The following THEM4 variants were observed in gnomAD, a reference collection of about 807,000 sequenced individuals.
THEM4 encodes the protein acyl-coenzyme A thioesterase THEM4.
In THEM4, 22 loss-of-function variants were observed where a neutral mutation model predicts 25.0. The ratio of observed to expected loss-of-function variants is 0.88; its 90% confidence interval spans 0.63 to 1.26. The LOEUF (loss-of-function observed/expected upper bound fraction) is 1.26, where lower values mean the gene tolerates loss of function less well. Among genes scored for constraint, THEM4 ranks in the 50% most tolerant of loss-of-function variants. THEM4 has a pLI of 0.00. For missense variants in THEM4, 286 were observed against 300.3 expected, an observed-to-expected ratio of 0.95 and a Z score of 0.35; for synonymous variants, 113 against 105.6, an observed-to-expected ratio of 1.07 and a Z score of -0.43.
chr1:151,876,934 C>T, intron 5 of THEM4, 67 bp downstream of exon 5: 1 of 1,527,506 alleles, frequency 6.5e-7, no homozygotes, highest in Non-Finnish European at 8.8e-7. Context: ...AACCAACCAA[C>T]CAACCAACCA....
At position 151,902,532 on chromosome 1, in the gene THEM4, T is replaced by C. The variant is rs1254304516; in HGVS notation, c.99+6828A>G. ...GAGGGGGATAAGGGATAAAAGACTA[T>C]AAATATGGTGCAGTGTATAATGCTC... On this transcript the variant is annotated intron_variant, in intron 1 of 5. Coordinates refer to ENST00000368814, the MANE Select transcript of THEM4 (RefSeq NM_053055.5). Among the ~76,000 whole-genome samples the C allele has an allele frequency of 3.9e-5, 6 of 152,138 alleles. 1 individual carries two copies. Among genetic ancestry groups the C allele is most frequent in the Middle Eastern group, 6.3e-3 (2 of 316 alleles).
At chr1:151,883,371 T>C (rs1653888621) in intron 4 of THEM4, among the ~76,000 whole-genome samples, 1 of 152,032 alleles carries the variant, frequency 6.6e-6, no homozygotes, top group Non-Finnish European at 1.5e-5. Flanking sequence ...CACCTTGGCC[T>C]CCCAAAATGC....
intron 1 of THEM4, among the ~76,000 whole-genome samples, chr1:151,902,284 T>C (rs144163352): frequency 3.3e-4 from 51 of 152,264 alleles, no homozygotes; most frequent in African/African-American, 1.2e-3. Flanking sequence ...TCATCCCCAA[T>C]TGCAAATCAT....
At chr1:151,897,061 C>T (rs1654240622) in intron 1 of THEM4, among the ~76,000 whole-genome samples, 1 of 152,120 alleles carries the variant, frequency 6.6e-6, no homozygotes, top group African/African-American at 2.4e-5. Flanking sequence ...TTGCAGGGAT[C>T]CTAGAGGACC....
Position 151,905,793 on chromosome 1 carries a change from T to C in THEM4, c.99+3567A>G, listed in dbSNP as rs528657486. ...GTAACTAGTAACTTCAAGTATTCTG[T>C]TTTATCTAAACAGCACAGTGAAGGT... On this transcript the variant is annotated intron_variant, in intron 1 of 5. Transcript: ENST00000368814. 2.2e-3 allele frequency among the ~76,000 whole-genome samples: 329 copies of C among 152,364 alleles called. 1 individual carries two copies. The highest frequency in any genetic ancestry group is 6.1e-3 in the Admixed American group (94 of 15,312).
At chr1:151,906,656 C>G (rs1409655510) in intron 1 of THEM4, among the ~76,000 whole-genome samples, 1 of 152,208 alleles carries the variant, frequency 6.6e-6, no homozygotes, top group Non-Finnish European at 1.5e-5. Context: ...TGTAAATACA[C>G]CAATCGGCAC....
intron 1 of THEM4, among the ~76,000 whole-genome samples, chr1:151,908,078 T>C (rs1054721406): frequency 5.9e-5 from 9 of 152,212 alleles, no homozygotes; most frequent in South Asian, 2.1e-4. Context: ...GAGGAACCAT[T>C]TGCATAGGAA....
intron 1 of THEM4, among the ~76,000 whole-genome samples, chr1:151,899,616 A>G (rs900746345): frequency 2.0e-5 from 3 of 152,212 alleles, no homozygotes; most frequent in South Asian, 4.1e-4. Context: ...AAGAAAAAGA[A>G]CAAGAAAATA....
At chr1:151,882,982 GACTT>G (rs1187690293) in intron 4 of THEM4, among the ~76,000 whole-genome samples, 2 of 151,936 alleles carry the variant, frequency 1.3e-5, no homozygotes, top group East Asian at 3.9e-4. Context: ...GGCTTCAAGA[GACTT>G]ACAATCACGG....
At position 151,889,375 on chromosome 1, in the gene THEM4, T is replaced by C. The variant is rs770029672; in HGVS notation, c.287-2A>G. On this transcript the variant is annotated splice_acceptor_variant, in intron 2 of 5. Coordinates refer to ENST00000368814, the MANE Select transcript of THEM4 (RefSeq NM_053055.5). LOFTEE classifies it high-confidence loss of function. ...GTTCTTCTTTCATAAGCTTTGGGTC[T>C]ATAGAAAATGAGGTGGATGGCAAAT... 1.1e-5 allele frequency: 17 copies of C among 1,612,012 alleles called. No homozygotes were observed. Among genetic ancestry groups the C allele is most frequent in the Middle Eastern group, 3.3e-4 (2 of 6,072 alleles).
At chr1:151,897,087 G>A (rs1384372149) in intron 1 of THEM4, among the ~76,000 whole-genome samples, 1 of 152,200 alleles carries the variant, frequency 6.6e-6, no homozygotes, top group Non-Finnish European at 1.5e-5. Context: ...GACAAAGTGT[G>A]ACTTACTCAG....
chr1:151,908,108 G>A (rs1442756251), intron 1 of THEM4, among the ~76,000 whole-genome samples: 1 of 152,168 alleles, frequency 6.6e-6, no homozygotes, highest in African/African-American at 2.4e-5. Flanking sequence ...CTTCCCCCAG[G>A]CATCCTTATC....
intron 4 of THEM4, among the ~76,000 whole-genome samples, chr1:151,881,643 A>T (rs532396684): frequency 6.6e-6 from 1 of 152,268 alleles, no homozygotes; most frequent in African/African-American, 2.4e-5. Context: ...TCTGGCTTCT[A>T]CTGTTGCTAT....
intron 1 of THEM4, among the ~76,000 whole-genome samples, chr1:151,905,057 T>C (rs969092225): frequency 6.6e-6 from 1 of 152,096 alleles, no homozygotes; most frequent in Non-Finnish European, 1.5e-5. Context: ...GGGACAACGA[T>C]TATATTTTGT....
intron 1 of THEM4, among the ~76,000 whole-genome samples, chr1:151,902,492 TGGG>T (rs547158885): frequency 6.6e-6 from 1 of 150,730 alleles, no homozygotes; most frequent in Non-Finnish European, 1.5e-5. Flanking sequence ...TTTGGGGACT[TGGG>T]GGGAAGAATG....
rs1472677050 is a variant in THEM4, at chr1:151,872,814, T to G, written c.*2074A>C. 1.3e-5 allele frequency among the ~76,000 whole-genome samples: 2 copies of G among 152,144 alleles called. No individual in the cohort carries two copies. Among genetic ancestry groups the G allele is most frequent in the African/African-American group, 2.4e-5 (1 of 41,426 alleles). On this transcript the variant is annotated 3_prime_UTR_variant, in exon 6 of 6. Transcript: ENST00000368814. ...TGCACTGTGGAAAGCCGCAGGGACC[T>G]CTGCCCAAGAAAGCCTGGGTATTGT... is the stretch of plus-strand genomic sequence containing the variant.
In THEM4 at chr1:151,897,069, A is replaced by G. The variant is rs1654240773; in HGVS notation, c.100-1875T>C. On this transcript the variant is annotated intron_variant, in intron 1 of 5. Transcript: ENST00000368814. ...TGGAACATTGCAGGGATCCTAGAGG[A>G]CCTGGAAGACAAAGTGTGACTTACT... Among the ~76,000 whole-genome samples, 7 of 152,206 alleles carry G rather than the reference A, an allele frequency of 4.6e-5. No homozygotes were observed. In the South Asian group the frequency reaches 1.4e-3, roughly 31 times the overall value.
At chr1:151,889,444 T>A in intron 2 of THEM4, 71 bp from the exon 3 acceptor site, 2 of 1,470,616 alleles carry the variant, frequency 1.4e-6, no homozygotes, top group Middle Eastern at 3.6e-4. Flanking sequence ...GCCAAGCACC[T>A]GTACCCTGCT....
chr1:151,887,344 A>G (rs1653992528), intron 4 of THEM4, among the ~76,000 whole-genome samples: 1 of 152,050 alleles, frequency 6.6e-6, no homozygotes, highest in African/African-American at 2.4e-5. Context: ...GCATGAGAAT[A>G]GCTTGAACCT....
Sources: gnomAD v4.1 joint callset for allele counts (sites outside exome capture counted in the v4.1 genomes callset) on GRCh38, gnomAD v4.1.1 for gene constraint, MANE v1.5 for transcripts, NCBI Gene and HGNC (gene_info 2026-07-23, HGNC 2026-07-21) for gene names.